Variants in CFAP20DC observed in about 807,000 individuals in gnomAD.
CFAP20DC encodes the protein protein CFAP20DC.
Under a neutral mutation model 101.7 loss-of-function variants are expected in CFAP20DC, and 84 were observed. The ratio of observed to expected loss-of-function variants is 0.83; its 90% CI spans 0.69 to 0.99. The LOEUF (loss-of-function observed/expected upper bound fraction) is 0.99. Ranked by LOEUF, CFAP20DC falls within the 50% of genes least tolerant of loss-of-function variation. CFAP20DC has a pLI of 0.00. For missense variants in CFAP20DC, 1,007 were observed against 970.3 expected (o/e 1.04, Z -0.50); for synonymous variants, 359 against 351.2 (o/e 1.02, Z -0.25).
downstream of CFAP20DC, among the ~76,000 whole-genome samples, chr3:58,741,587 C>G (rs998747031): frequency 6.6e-6 from 1 of 151,636 alleles, no homozygotes; most frequent in Non-Finnish European, 1.5e-5. Context: ...AGCTCTGACT[C>G]CTGGGTTCGC....
chr3:59,024,408 C>T (rs756265651), intron 4 of CFAP20DC, among the ~76,000 whole-genome samples: 30 of 152,072 alleles, frequency 2.0e-4, no homozygotes, highest in Non-Finnish European at 4.0e-4. Context: ...TGCTCTGGCC[C>T]CTCAAGATCT....
chr3:58,927,687 T>A (rs1320447688), intron 5 of CFAP20DC, among the ~76,000 whole-genome samples: 1 of 152,198 alleles, frequency 6.6e-6, no homozygotes, highest in Admixed American at 6.5e-5. Flanking sequence ...ATTCTACTAG[T>A]TCCTAAGGGG....
At position 58,849,141 on chromosome 3, in the gene CFAP20DC, G is replaced by C; in HGVS notation, c.1862C>G (p.Pro621Arg). 1 of 1,535,984 alleles carries C rather than the reference G, an allele frequency of 6.5e-7. No homozygotes were observed. The highest frequency in any genetic ancestry group is 2.4e-5 in the East Asian group (1 of 40,906). The change falls in exon 13 of 17, where the codon CCC (proline) becomes CGC (arginine). Residue 621 changes from proline (P) to arginine (R), a missense_variant. Coordinates refer to ENST00000482387, the MANE Select transcript of CFAP20DC (RefSeq NM_001394063.1). ...TGATAGATCCTTCGCTTTGATTACG[G>C]GCTCTGGAGTTTTCTGACAGGACCC... is the stretch of plus-strand genomic sequence containing the variant. ...RCGSCQKTPEPVIKAKDLSAQ... is the reference protein window; with the variant it reads ...RCGSCQKTPERVIKAKDLSAQ...
chr3:58,777,242 A>G (rs2071415660), intron 15 of CFAP20DC, among the ~76,000 whole-genome samples: 1 of 152,154 alleles, frequency 6.6e-6, no homozygotes, highest in Non-Finnish European at 1.5e-5. Flanking sequence ...ATGACCTGGA[A>G]GCCCCCTCCC....
intron 4 of CFAP20DC, among the ~76,000 whole-genome samples, chr3:59,038,970 C>T (rs1245505905): frequency 6.6e-6 from 1 of 151,982 alleles, no homozygotes; most frequent in Non-Finnish European, 1.5e-5. Flanking sequence ...AAATCTTCAA[C>T]AATACTCAAT....
At position 58,864,640 on chromosome 3, in the gene CFAP20DC, T is replaced by C. The variant is rs1275292006; in HGVS notation, c.1259-748A>G. On this transcript the variant is annotated intron_variant, in intron 11 of 16. Transcript: ENST00000482387. The surrounding 1 kb of genome is among the most constrained non-coding windows in gnomAD (Gnocchi z 4.7). ...GCTTCTTTAAAAAAATATCTGGTCTTAATTCAGATTACAAATCATGGAGGA... is the reference window on the plus strand; with the variant it reads ...GCTTCTTTAAAAAAATATCTGGTCTCAATTCAGATTACAAATCATGGAGGA... 6.6e-6 allele frequency among the ~76,000 whole-genome samples: 1 copy of C among 152,206 alleles called. No homozygotes were observed. Among genetic ancestry groups the C allele is most frequent in the East Asian group, 1.9e-4 (1 of 5,198 alleles).
intron 4 of CFAP20DC, 61 bp downstream of exon 4, chr3:59,039,496 G>T: frequency 3.0e-6 from 3 of 998,730 alleles, no homozygotes; most frequent in Non-Finnish European, 4.5e-6. Flanking sequence ...TGTTGGTACT[G>T]CTTCAATTGA....
intron 7 of CFAP20DC, among the ~76,000 whole-genome samples, chr3:58,879,788 T>C (rs997211611): frequency 1.3e-5 from 2 of 152,062 alleles, no homozygotes; most frequent in Non-Finnish European, 2.9e-5. Context: ...TCACCAGTAG[T>C]GAAAAAGTAT....
intron 14 of CFAP20DC, among the ~76,000 whole-genome samples, chr3:58,808,918 G>C (rs1488988744): frequency 6.6e-6 from 1 of 152,066 alleles, no homozygotes; most frequent in Non-Finnish European, 1.5e-5. Flanking sequence ...TGCAATCCTA[G>C]TCTCTGACAA....
chr3:58,989,644 C>T (rs1425640178), intron 4 of CFAP20DC, among the ~76,000 whole-genome samples: 2 of 152,072 alleles, frequency 1.3e-5, no homozygotes, highest in African/African-American at 4.8e-5. Context: ...TTGTATACTG[C>T]TTTAGATAAA....
intron 4 of CFAP20DC, among the ~76,000 whole-genome samples, chr3:59,031,543 A>G (rs1003778118): frequency 2.6e-5 from 4 of 152,204 alleles, no homozygotes; most frequent in African/African-American, 4.8e-5. Flanking sequence ...TGAGTGCATC[A>G]AACAATGCTT....
rs527365289 is a variant in CFAP20DC, at chr3:58,811,463, C to T, written c.2176-5007G>A. 7.4e-4 allele frequency among the ~76,000 whole-genome samples: 112 copies of T among 152,112 alleles called. 1 individual carries two copies. The highest frequency in any genetic ancestry group is 2.6e-3 in the African/African-American group (108 of 41,492). Reference sequence around the variant, plus strand: ...AAAACAAGCAATGGGGAAAGGATTCCCTATTTAATAAATGGTGCTGGGAAA... The same window carrying T: ...AAAACAAGCAATGGGGAAAGGATTCTCTATTTAATAAATGGTGCTGGGAAA... On this transcript the variant is annotated intron_variant, in intron 14 of 16. Transcript: ENST00000482387.
chr3:58,998,610 A>G (rs908331959), intron 4 of CFAP20DC, among the ~76,000 whole-genome samples: 2 of 151,874 alleles, frequency 1.3e-5, no homozygotes, highest in Non-Finnish European at 1.5e-5. Flanking sequence ...CCCTGCTCCT[A>G]TCTTTGTGGA....
chr3:59,034,546 T>C (rs1344897762), intron 4 of CFAP20DC, among the ~76,000 whole-genome samples: 2 of 152,134 alleles, frequency 1.3e-5, no homozygotes, highest in Non-Finnish European at 2.9e-5. Context: ...GTTGCAATCC[T>C]AGTCTCTGAT....
intron 16 of CFAP20DC, among the ~76,000 whole-genome samples, chr3:58,743,841 G>C (rs1228870773): frequency 6.6e-6 from 1 of 152,142 alleles, no homozygotes; most frequent in Non-Finnish European, 1.5e-5. Context: ...GTGCCTACAT[G>C]GTGAAGTGGG....
intron 5 of CFAP20DC, among the ~76,000 whole-genome samples, chr3:58,935,074 G>T (rs1188822949): frequency 6.6e-6 from 1 of 152,164 alleles, no homozygotes; most frequent in Non-Finnish European, 1.5e-5. Flanking sequence ...CTTCAGCAAA[G>T]TCTCAGGATA....
intron 16 of CFAP20DC, 140 bp from the exon 17 acceptor site, chr3:58,742,712 C>T (rs1291967583): frequency 1.5e-5 from 7 of 477,758 alleles, no homozygotes; most frequent in Non-Finnish European, 2.5e-5. Context: ...GAAGGAAGAG[C>T]ACTGTGGAAG....
chr3:58,873,472 T>A (rs1444790057), intron 7 of CFAP20DC, among the ~76,000 whole-genome samples: 1 of 148,234 alleles, frequency 6.7e-6, no homozygotes, highest in Non-Finnish European at 1.5e-5. Context: ...CAAGCAGAAG[T>A]CTGGACCAGC....
chr3:58,916,895 C>T (rs1193641971), intron 5 of CFAP20DC, among the ~76,000 whole-genome samples: 4 of 152,114 alleles, frequency 2.6e-5, no homozygotes, highest in African/African-American at 9.7e-5. Context: ...GGTGGATTAT[C>T]TGAGTTACAG....
Sources: allele counts gnomAD v4.1 joint callset (sites outside exome capture counted in the v4.1 genomes callset), GRCh38; gene constraint gnomAD v4.1.1; non-coding constraint Gnocchi (gnomAD v3.1); transcripts MANE v1.5; gene names NCBI Gene and HGNC (gene_info 2026-07-23, HGNC 2026-07-21).